FCRL2: variants seen among roughly 807,000 people sequenced by gnomAD.
FCRL2 encodes the protein Fc receptor-like protein 2.
A neutral mutation model predicts 59.8 loss-of-function variants in FCRL2; 48 were observed. The observed-to-expected ratio is 0.80, with a 90% confidence interval of 0.64 to 1.02. The LOEUF (loss-of-function observed/expected upper bound fraction) is 1.02. Among genes scored for constraint, FCRL2 ranks in the 50% least tolerant of loss-of-function variants. The probability of loss-of-function intolerance (pLI) is 0.00; values close to 1 mark genes in which losing one functional copy is unlikely to be tolerated. For missense variants in FCRL2, 658 were observed against 597.3 expected (o/e 1.10, Z -1.06); for synonymous variants, 251 against 229.5 (o/e 1.09, Z -0.85).
At chr1:157,751,413 G>T (rs1485246253) in intron 7 of FCRL2, among the ~76,000 whole-genome samples, 3 of 152,214 alleles carry the variant, frequency 2.0e-5, no homozygotes, top group African/African-American at 7.2e-5. Context: ...AAAGGGAGAT[G>T]AGGAGCCTAT....
chr1:157,768,779 T>C (rs1352805800), intron 4 of FCRL2, 78 bp from the exon 5 acceptor site: 19 of 1,369,154 alleles, frequency 1.4e-5, no homozygotes, highest in Admixed American at 2.2e-5. Context: ...CATTCTCTAA[T>C]GCAAAATGTG....
At chr1:157,775,061 T>C (rs933918401) in intron 2 of FCRL2, among the ~76,000 whole-genome samples, 2 of 152,198 alleles carry the variant, frequency 1.3e-5, no homozygotes, top group Non-Finnish European at 1.5e-5. Context: ...ATTAGAACAG[T>C]AATACATGCA....
chr1:157,775,827 C>G, intron 1 of FCRL2, 32 bp from the exon 2 acceptor site: 1 of 1,613,084 alleles, frequency 6.2e-7, no homozygotes, highest in Non-Finnish European at 8.5e-7. Context: ...GAGATTAGCA[C>G]ACAGCATTTG....
At chr1:157,762,873 CTT>C (rs1241481581) in intron 7 of FCRL2, among the ~76,000 whole-genome samples, 1 of 152,156 alleles carries the variant, frequency 6.6e-6, no homozygotes, top group Non-Finnish European at 1.5e-5. Context: ...GAAATAAAAT[CTT>C]TTCCAGATAA....
chr1:157,746,481 A>G lies in FCRL2; in HGVS notation c.*255T>C, dbSNP rs1362531666. 9 of 552,438 alleles carry G rather than the reference A, an allele frequency of 1.6e-5. No individual in the cohort carries two copies. The highest frequency in any genetic ancestry group is 1.3e-4 in the African/African-American group (7 of 53,036). The allele number at this position is 552,438 out of a possible 1,614,324, so 34.2% of individuals were successfully genotyped here. A position where few individuals can be genotyped will look rare whatever the true frequency, so the allele number is the denominator to read the frequency against. On this transcript the variant is annotated 3_prime_UTR_variant, in exon 12 of 12. Transcript: ENST00000361516. ...TCTTCCCTCAAATCTTTACACACTG[A>G]TTGCTTAAGAGAAGGTAGCAGAAAT...
intron 2 of FCRL2, among the ~76,000 whole-genome samples, chr1:157,773,171 A>G (rs1650158291): frequency 6.6e-6 from 1 of 152,178 alleles, no homozygotes; most frequent in African/African-American, 2.4e-5. Flanking sequence ...CTCTCTTGTT[A>G]ATTGGACTTT....
At chr1:157,754,309 C>T (rs986961746) in intron 7 of FCRL2, among the ~76,000 whole-genome samples, 2 of 152,170 alleles carry the variant, frequency 1.3e-5, no homozygotes, top group Admixed American at 6.5e-5. Context: ...TCTAGTTGCC[C>T]TCACTGCTAC....
At chr1:157,774,214 A>G (rs12568320) in intron 2 of FCRL2, among the ~76,000 whole-genome samples, 23,988 of 152,164 alleles carry the variant, frequency 0.16, 1,941 homozygotes, top group East Asian at 0.23. Flanking sequence ...GAGGCAATGG[A>G]TGGGGACAGA....
intron 4 of FCRL2, chr1:157,769,070 CAAT>C (rs1649765965): frequency 6.0e-6 from 1 of 168,024 alleles, no homozygotes; most frequent in African/African-American, 2.4e-5. Context: ...ACAACGGTCC[CAAT>C]AATAATTCCT....
chr1:157,754,402 G>A (rs59463970), intron 7 of FCRL2, among the ~76,000 whole-genome samples: 1 of 152,138 alleles, frequency 6.6e-6, no homozygotes, highest in African/African-American at 2.4e-5. Context: ...GGGGAGGCAT[G>A]AATAATCCAC....
rs1422080809 is a variant in FCRL2, at chr1:157,766,988, G to A, written c.1163-17C>T. The A allele has an allele frequency of 6.2e-6, 10 of 1,604,482 alleles. No individual in the cohort carries two copies. Among genetic ancestry groups the A allele is most frequent in the Non-Finnish European group, 8.5e-6 (10 of 1,174,024 alleles). On this transcript the variant is annotated splice_polypyrimidine_tract_variant and intron_variant, in intron 6 of 11. Transcript: ENST00000361516. ...CATCAGGTCCTGAGGAAAGAAAGCAGTGCTTCAGCCCCAGAGGTTTAAGAC... is the reference window on the plus strand; with the variant it reads ...CATCAGGTCCTGAGGAAAGAAAGCAATGCTTCAGCCCCAGAGGTTTAAGAC...
intron 2 of FCRL2, among the ~76,000 whole-genome samples, chr1:157,773,727 G>A (rs1650198760): frequency 6.6e-6 from 1 of 152,344 alleles, no homozygotes; most frequent in East Asian, 1.9e-4. Context: ...GCAACCTCAA[G>A]AGTTCTAATC....
intron 7 of FCRL2, among the ~76,000 whole-genome samples, chr1:157,760,235 A>G (rs1648914470): frequency 6.6e-6 from 1 of 152,184 alleles, no homozygotes; most frequent in Non-Finnish European, 1.5e-5. Flanking sequence ...TGAGAGCTAA[A>G]CGTTGAGTGC....
At chr1:157,760,550 C>T (rs907722371) in intron 7 of FCRL2, among the ~76,000 whole-genome samples, 13 of 151,502 alleles carry the variant, frequency 8.6e-5, no homozygotes, top group African/African-American at 3.2e-4. Context: ...ATCGCTTGAA[C>T]CCGGGAGGTG....
chr1:157,775,023 TAAA>T (rs1650299510), intron 2 of FCRL2, among the ~76,000 whole-genome samples: 1 of 152,146 alleles, frequency 6.6e-6, no homozygotes, highest in African/African-American at 2.4e-5. Context: ...AAGAGTGAAA[TAAA>T]ATTAGCTTTA....
At position 157,749,634 on chromosome 1, in the gene FCRL2, T is replaced by A. The variant is rs16839038; in HGVS notation, c.1307+16A>T. The A allele has an allele frequency of 1.3e-6, 2 of 1,596,488 alleles. No individual in the cohort carries two copies. The highest frequency in any genetic ancestry group is 1.7e-6 in the Non-Finnish European group (2 of 1,167,388). On this transcript the variant is annotated intron_variant, in intron 8 of 11. Coordinates refer to ENST00000361516, the MANE Select transcript of FCRL2 (RefSeq NM_030764.4). ...AGACCTCTAGAATTAAAATTTTTAC[T>A]AGGAAGAGTTCTCACCTGGGTTCAT...
Position 157,745,822 on chromosome 1 carries a change from A to G in FCRL2, c.*914T>C, listed in dbSNP as rs1050271420. The G allele has an allele frequency of 2.0e-5, 3 of 152,206 alleles. No individual in the cohort carries two copies. Among genetic ancestry groups the G allele is most frequent in the African/African-American group, 7.2e-5 (3 of 41,448 alleles). The allele number at this position is 152,206 out of a possible 1,614,324, so 9.4% of individuals were successfully genotyped here. On this transcript the variant is annotated 3_prime_UTR_variant, in exon 12 of 12. Transcript: ENST00000361516. ...TCATATTTACTATGTCAAAAATCAC[A>G]TTTTTGCAACTATATGCATACTTTG...
At chr1:157,756,102 C>T (rs1174613015) in intron 7 of FCRL2, among the ~76,000 whole-genome samples, 1 of 152,166 alleles carries the variant, frequency 6.6e-6, no homozygotes, top group Non-Finnish European at 1.5e-5. Flanking sequence ...GTATCATGGT[C>T]CTCATGATAA....
At chr1:157,762,180 C>A (rs1010994832) in intron 7 of FCRL2, among the ~76,000 whole-genome samples, 1 of 152,204 alleles carries the variant, frequency 6.6e-6, no homozygotes, top group African/African-American at 2.4e-5. Flanking sequence ...GTTGGGCTTA[C>A]CAATTCTGCC....
Sources: allele counts gnomAD v4.1 joint callset (sites outside exome capture counted in the v4.1 genomes callset), GRCh38; gene constraint gnomAD v4.1.1; transcripts MANE v1.5; gene names NCBI Gene and HGNC (gene_info 2026-07-23, HGNC 2026-07-21).